The following ASIC3 variants were observed in gnomAD, a reference collection of about 807,000 sequenced individuals.
ASIC3 encodes the protein acid sensing ion channel subunit 3.
A neutral mutation model predicts 58.6 loss-of-function variants in ASIC3; 46 were observed. The ratio of observed to expected loss-of-function variants is 0.79; its 90% CI spans 0.62 to 1.00. The LOEUF (loss-of-function observed/expected upper bound fraction) is 1.00. Among genes scored for constraint, ASIC3 ranks in the 50% least tolerant of loss-of-function variants. The pLI, the probability that ASIC3 is intolerant of heterozygous loss-of-function variation, is 0.00. For synonymous variants in ASIC3, 336 were observed against 300.2 expected (o/e 1.12, Z -1.23); for missense variants, 770 against 735.0 (o/e 1.05, Z -0.55).
At position 151,052,344 on chromosome 7, in the gene ASIC3, G is replaced by C. The variant is rs1796802546; in HGVS notation, c.1459-72G>C. On this transcript the variant is annotated intron_variant, in intron 9 of 10. Coordinates refer to ENST00000349064, the MANE Select transcript of ASIC3 (RefSeq NM_004769.4). This position sits in a 1 kb window ranked among gnomAD's most constrained non-coding sequence, Gnocchi z 5.0. ...CAGCTGAGGAGAAACAGGCAGGAGG[G>C]TGTGCAGTGACCTCGACTGGTCCCT... 6.2e-7 allele frequency: 1 copy of C among 1,612,612 alleles called. No individual in the cohort carries two copies. Among genetic ancestry groups the C allele is most frequent in the African/African-American group, 1.3e-5 (1 of 74,888 alleles).
At chr7:151,049,901 G>A (rs927701263) in intron 1 of ASIC3, among the ~76,000 whole-genome samples, 2 of 152,232 alleles carry the variant, frequency 1.3e-5, no homozygotes, top group Admixed American at 6.5e-5. Context: ...GGCTTTGGTG[G>A]GGATTGGCGG....
In ASIC3 at chr7:151,049,314, C is replaced by A. The variant is rs1264857022; in HGVS notation, c.429C>A (p.Thr143=). Residue 143 remains threonine (T), a synonymous_variant, in exon 1 of 11, where the codon ACC becomes ACA. Transcript: ENST00000349064. The part of the protein sequence containing the change: ...PAPPGFMPSP[T]FDMAQLYARA... ...CGCCCGGCTTCATGCCCAGTCCCACCTTTGACATGGCGCAACTCTATGCCC... is the reference window on the plus strand; with the variant it reads ...CGCCCGGCTTCATGCCCAGTCCCACATTTGACATGGCGCAACTCTATGCCC... 1.2e-6 allele frequency: 2 copies of A among 1,613,034 alleles called. No homozygotes were observed. Among genetic ancestry groups the A allele is most frequent in the African/African-American group, 2.7e-5 (2 of 74,938 alleles).
Position 151,051,381 on chromosome 7 carries a change from G to A in ASIC3, c.1214+62G>A, listed in dbSNP as rs1796776111. Reference sequence around the variant, plus strand: ...GGGGCTCCCGACGGGGCGGAACGGGGCAGGCCAGGCCGTAGCCCTAGTGCG... The same window carrying A: ...GGGGCTCCCGACGGGGCGGAACGGGACAGGCCAGGCCGTAGCCCTAGTGCG... On this transcript the variant is annotated intron_variant, in intron 6 of 10. Transcript: ENST00000349064. 3 of 1,419,642 alleles carry A rather than the reference G, an allele frequency of 2.1e-6. No homozygotes were observed. In the South Asian group the frequency reaches 4.5e-5, roughly 21 times the overall value. 87.9% of individuals were successfully genotyped at this position (1,419,642 alleles called of 1,614,324 possible).
At position 151,051,080 on chromosome 7, in the gene ASIC3, G is replaced by C. The variant is rs1353699620; in HGVS notation, c.1051G>C (p.Ala351Pro). The change falls in exon 5 of 11, where the codon GCC becomes CCC. Residue 351 changes from alanine to proline, a missense_variant. Coordinates refer to ENST00000349064, the MANE Select transcript of ASIC3 (RefSeq NM_004769.4). Reference sequence around the variant, plus strand: ...CAGCCCCCAGCAGTACAAGAACTGTGCCCACCCGGCCATAGGTAAGGGCGA... The same window carrying C: ...CAGCCCCCAGCAGTACAAGAACTGTCCCCACCCGGCCATAGGTAAGGGCGA... ...VCSPQQYKNC[A>P]HPAIDAMLRK... is the part of the protein sequence containing the mutation. The C allele has an allele frequency of 3.7e-6, 6 of 1,612,704 alleles. No individual in the cohort carries two copies. Among genetic ancestry groups the C allele is most frequent in the Non-Finnish European group, 5.1e-6 (6 of 1,179,906 alleles).
chr7:151,052,104 C>T lies in ASIC3; in HGVS notation c.1386+42C>T. 6.2e-7 allele frequency: 1 copy of T among 1,613,784 alleles called. No individual in the cohort carries two copies. Among genetic ancestry groups the T allele is most frequent in the Non-Finnish European group, 8.5e-7 (1 of 1,179,840 alleles). On this transcript the variant is annotated intron_variant, in intron 8 of 10. Transcript: ENST00000349064. The surrounding 1 kb of genome is among the most constrained non-coding windows in gnomAD (Gnocchi z 5.0). ...ACTGCAGGGGGTGGGAGGTGGGAAT[C>T]AGGGCCCCTAGGATGAGGGGGAAGG... is the stretch of plus-strand genomic sequence containing the variant.
chr7:151,050,837 C>T lies in ASIC3; in HGVS notation c.893C>T (p.Pro298Leu). ...NPNYEPEPSD[P>L]LGSPSPSPSP... ...AACTATGAGCCAGAGCCCTCTGATC[C>T]CCTAGGCTCCCCCAGCCCCAGCCCC... Residue 298 changes from proline (P) to leucine (L), a missense_variant, in exon 4 of 11, where the codon CCC becomes CTC. Physicochemically the swap from Pro to Leu is moderately conservative, Grantham distance 98. Coordinates refer to ENST00000349064, the MANE Select transcript of ASIC3 (RefSeq NM_004769.4). The T allele has an allele frequency of 3.7e-6, 6 of 1,613,394 alleles. No individual in the cohort carries two copies. The highest frequency in any genetic ancestry group is 5.1e-6 in the Non-Finnish European group (6 of 1,179,834).
At chr7:151,051,372 C>G in intron 6 of ASIC3, 53 bp downstream of exon 6, 6 of 1,423,454 alleles carry the variant, frequency 4.2e-6, no homozygotes, top group Non-Finnish European at 5.4e-6. Flanking sequence ...CCCGACGGGG[C>G]GGAACGGGGC....
rs554507762 is a variant in ASIC3 at position 151,049,119 on chromosome 7, G to C, written c.234G>C (p.Glu78Asp). The change falls in exon 1 of 11, where the codon GAG (glutamate) becomes GAC (aspartate). Residue 78 changes from glutamate to aspartate, a missense_variant. By Grantham distance (45) the Glu-to-Asp change is conservative (BLOSUM62 2). Coordinates refer to ENST00000349064, the MANE Select transcript of ASIC3 (RefSeq NM_004769.4). ...REFHHQTALD[E>D]RESHRLIFPA... Reference sequence around the variant, plus strand: ...TCCACCACCAGACTGCCCTGGATGAGCGAGAAAGCCACCGGCTCATCTTCC... The same window carrying C: ...TCCACCACCAGACTGCCCTGGATGACCGAGAAAGCCACCGGCTCATCTTCC... 4 of 1,613,912 alleles carry C rather than the reference G, an allele frequency of 2.5e-6. No individual in the cohort carries two copies. The East Asian group carries it at 8.9e-5, about 36-fold the overall frequency.
In ASIC3 at chr7:151,052,020, C is replaced by T; in HGVS notation, c.1344C>T (p.Ala448=). The change falls in exon 8 of 11, where the codon GCC becomes GCT. Residue 448 remains alanine (A), a synonymous_variant. Coordinates refer to ENST00000349064, the MANE Select transcript of ASIC3 (RefSeq NM_004769.4). The surrounding 1 kb of genome is among the most constrained non-coding windows in gnomAD (Gnocchi z 5.0). ...GCCAGATGGGGCTGTTCATCGGGGC[C>T]AGCCTGCTCACCATCCTCGAGATCC... is the stretch of plus-strand genomic sequence containing the variant. The part of the protein sequence containing the change: ...IGGQMGLFIG[A]SLLTILEILD... 6.2e-7 allele frequency: 1 copy of T among 1,613,564 alleles called. No homozygotes were observed. Among genetic ancestry groups the T allele is most frequent in the Non-Finnish European group, 8.5e-7 (1 of 1,179,864 alleles).
chr7:151,050,950 C>A lies in ASIC3; in HGVS notation c.1006C>A (p.Pro336Thr), dbSNP rs1796759355. ...GTGCGGCTGCCGAATGGTGTACATG[C>A]CAGGTGAGGGGCTGGGGTTTTCGTC... ...RKCGCRMVYM[P>T]GDVPVCSPQQ... Residue 336 changes from proline to threonine, a missense_variant, in exon 4 of 11, where the codon CCA (proline) becomes ACA (threonine). Transcript: ENST00000349064. 6.2e-7 allele frequency: 1 copy of A among 1,613,456 alleles called. No individual in the cohort carries two copies. The highest frequency in any genetic ancestry group is 8.5e-7 in the Non-Finnish European group (1 of 1,180,022).
Position 151,049,092 on chromosome 7 carries a change from G to A in ASIC3, c.207G>A (p.Glu69=). ...CTGAGAGGGTGCGCTACTACAGGGA[G>A]TTCCACCACCAGACTGCCCTGGATG... ...QVAERVRYYR[E]FHHQTALDER... The change falls in exon 1 of 11, where the codon GAG becomes GAA. Residue 69 remains glutamate (E), a synonymous_variant. Transcript: ENST00000349064. 6.2e-7 allele frequency: 1 copy of A among 1,613,894 alleles called. No individual in the cohort carries two copies. Among genetic ancestry groups the A allele is most frequent in the Non-Finnish European group, 8.5e-7 (1 of 1,179,918 alleles).
rs771834367 is a variant in ASIC3, at chr7:151,049,268, C to T, written c.383C>T (p.Ala128Val). 2 of 1,612,326 alleles carry T rather than the reference C, an allele frequency of 1.2e-6. No individual in the cohort carries two copies. The highest frequency in any genetic ancestry group is 1.1e-5 in the South Asian group (1 of 91,038). Residue 128 changes from alanine (A) to valine (V), a missense_variant, in exon 1 of 11, where the codon GCC becomes GTC. Coordinates refer to ENST00000349064, the MANE Select transcript of ASIC3 (RefSeq NM_004769.4). ...GCAGAGCACGCCGCCTTCCTGCGCG[C>T]CCTGGGCCGGCCCCCTGCACCGCCC... ...DPAEHAAFLRALGRPPAPPGF... is the reference protein window; with the variant it reads ...DPAEHAAFLRVLGRPPAPPGF...
Position 151,048,939 on chromosome 7 carries a change from C to A in ASIC3, c.54C>A (p.Arg18=). The A allele has an allele frequency of 2.5e-6, 4 of 1,580,652 alleles. No homozygotes were observed. The highest frequency in any genetic ancestry group is 3.4e-6 in the Non-Finnish European group (4 of 1,159,642). Residue 18 remains arginine, a synonymous_variant, in exon 1 of 11, where the codon CGC becomes CGA. Coordinates refer to ENST00000349064, the MANE Select transcript of ASIC3 (RefSeq NM_004769.4). The part of the protein sequence containing the change: ...EEARRPASDI[R]VFASNCSMHG... ...CCCGGCGGCCAGCCTCGGACATCCG[C>A]GTGTTCGCCAGCAACTGCTCGATGC...
Position 151,048,971 on chromosome 7 carries a change from TGGGCCACGTCTTC to T in ASIC3, c.93_105del (p.His31GlnfsTer4). The T allele has an allele frequency of 1.2e-6, 2 of 1,606,646 alleles. No individual in the cohort carries two copies. The highest frequency in any genetic ancestry group is 1.7e-6 in the Non-Finnish European group (2 of 1,174,800). On this transcript the variant is annotated frameshift_variant, in exon 1 of 11. Transcript: ENST00000349064. LOFTEE classifies it high-confidence loss of function. The stretch of plus-strand genomic sequence containing the variant: ...GCCAGCAACTGCTCGATGCACGGGC[TGGGCCACGTCTTC>T]GGGCCAGGCAGCCTGAGCCTGCGCC...
chr7:151,052,023 C>T lies in ASIC3; in HGVS notation c.1347C>T (p.Ser449=), dbSNP rs777470508. 4 of 1,613,464 alleles carry T rather than the reference C, an allele frequency of 2.5e-6. No individual in the cohort carries two copies. The highest frequency in any genetic ancestry group is 3.4e-6 in the Non-Finnish European group (4 of 1,179,870). ...GGQMGLFIGA[S]LLTILEILDY... The stretch of plus-strand genomic sequence containing the variant: ...AGATGGGGCTGTTCATCGGGGCCAG[C>T]CTGCTCACCATCCTCGAGATCCTAG... Residue 449 remains serine (S), a synonymous_variant, in exon 8 of 11, where the codon AGC becomes AGT. Transcript: ENST00000349064. This position sits in a 1 kb window ranked among gnomAD's most constrained non-coding sequence, Gnocchi z 5.0.
At position 151,048,603 on chromosome 7, in the gene ASIC3, C is replaced by T. The variant is rs978399759; in HGVS notation, c.-283C>T. The T allele has an allele frequency of 3.4e-5, 15 of 435,304 alleles. No individual in the cohort carries two copies. In the East Asian group the frequency reaches 4.4e-4, roughly 13 times the overall value. 27.0% of individuals were successfully genotyped at this position (435,304 alleles called of 1,614,324 possible). On this transcript the variant is annotated 5_prime_UTR_variant, in exon 1 of 11. The change creates a new upstream start codon in the 5' untranslated region. Transcript: ENST00000349064. ...AGCCCCTGCCTGCCACGGTCAGCTA[C>T]GTCCCACCTGGTCTGCTGCGGAGTC...
rs777980557 is a variant in ASIC3, at chr7:151,051,247, T to A, written c.1142T>A (p.Met381Lys). 3.9e-6 allele frequency: 6 copies of A among 1,558,158 alleles called. No homozygotes were observed. Among genetic ancestry groups the A allele is most frequent in the Non-Finnish European group, 5.2e-6 (6 of 1,159,894 alleles). The change falls in exon 6 of 11, where the codon ATG becomes AAG. Residue 381 changes from methionine to lysine, a missense_variant. Transcript: ENST00000349064. ...ASTRYAKELSMVRIPSRAAAR... is the reference protein window; with the variant it reads ...ASTRYAKELSKVRIPSRAAAR... ...ACGCGCTACGCCAAGGAGCTCTCCA[T>A]GGTGCGGATCCCGAGCCGCGCCGCC...
At position 151,049,971 on chromosome 7, in the gene ASIC3, C is replaced by T. The variant is rs957121265; in HGVS notation, c.535-135C>T. 27 of 1,156,456 alleles carry T rather than the reference C, an allele frequency of 2.3e-5. No homozygotes were observed. In the Admixed American group the frequency reaches 3.2e-4, roughly 14 times the overall value. The allele number at this position is 1,156,456 out of a possible 1,614,324, so 71.6% of individuals were successfully genotyped here. A position where few individuals can be genotyped will look rare whatever the true frequency, so the allele number is the denominator to read the frequency against. ...GTCCTGCAACATGTGCCCACTGGAGCGTGGGGCTGGGGGCATTGAGATGCG... is the reference window on the plus strand; with the variant it reads ...GTCCTGCAACATGTGCCCACTGGAGTGTGGGGCTGGGGGCATTGAGATGCG... On this transcript the variant is annotated intron_variant, in intron 1 of 10. Coordinates refer to ENST00000349064, the MANE Select transcript of ASIC3 (RefSeq NM_004769.4).
chr7:151,051,272 C>T lies in ASIC3; in HGVS notation c.1167C>T (p.Ala389=), dbSNP rs774022451. ...LSMVRIPSRA[A]ARFLARKLNR... ...TGGTGCGGATCCCGAGCCGCGCCGC[C>T]GCGCGCTTCCTGGCCCGGAAGCTCA... Residue 389 remains alanine (A), a synonymous_variant, in exon 6 of 11, where the codon GCC becomes GCT. Transcript: ENST00000349064. 5.2e-6 allele frequency: 8 copies of T among 1,529,094 alleles called. No individual in the cohort carries two copies. Among genetic ancestry groups the T allele is most frequent in the South Asian group, 2.4e-5 (2 of 83,068 alleles). 94.7% of individuals were successfully genotyped at this position (1,529,094 alleles called of 1,614,324 possible).
Sources: allele counts gnomAD v4.1 joint callset (sites outside exome capture counted in the v4.1 genomes callset), GRCh38; gene constraint gnomAD v4.1.1; non-coding constraint Gnocchi (gnomAD v3.1); transcripts MANE v1.5; gene names NCBI Gene and HGNC (gene_info 2026-07-23, HGNC 2026-07-21).